Variants in DNER observed in about 807,000 individuals in gnomAD.
DNER encodes the protein delta/notch like EGF repeat containing, also known as delta and Notch-like epidermal growth factor-related receptor.
Under a neutral mutation model 78.2 loss-of-function variants are expected in DNER, and 33 were observed. That is an observed-to-expected ratio of 0.42 (90% CI 0.32 to 0.56). The LOEUF (loss-of-function observed/expected upper bound fraction) is 0.56. Ranked by LOEUF, DNER falls within the 20% of genes least tolerant of loss-of-function variation. The pLI, the probability that DNER is intolerant of heterozygous loss-of-function variation, is 0.11. For synonymous variants in DNER, 417 were observed against 384.8 expected (o/e 1.08, Z -0.98); for missense variants, 918 against 975.3 (o/e 0.94, Z 0.78).
intron 7 of DNER, among the ~76,000 whole-genome samples, chr2:229,447,904 C>T (rs900508452): frequency 2.0e-5 from 3 of 152,124 alleles, no homozygotes; most frequent in Admixed American, 6.5e-5. Context: ...GGATTTGGAT[C>T]AGCAGAGGGC....
intron 12 of DNER, among the ~76,000 whole-genome samples, chr2:229,364,803 T>C (rs562717995): frequency 2.0e-5 from 3 of 151,670 alleles, no homozygotes; most frequent in South Asian, 4.2e-4. Context: ...TTCTATGCCA[T>C]TCAGATAGAA....
At chr2:229,435,508 A>G (rs974419130) in intron 8 of DNER, among the ~76,000 whole-genome samples, 1 of 152,244 alleles carries the variant, frequency 6.6e-6, no homozygotes, top group African/African-American at 2.4e-5. Flanking sequence ...TGCCAGGTAC[A>G]ATGTCTAACT....
chr2:229,427,753 A>G (rs2106353493), intron 8 of DNER, among the ~76,000 whole-genome samples: 1 of 152,256 alleles, frequency 6.6e-6, no homozygotes, highest in East Asian at 1.9e-4. Context: ...ATGGATTGCA[A>G]CCCACTGTAG....
intron 11 of DNER, among the ~76,000 whole-genome samples, chr2:229,368,776 TG>T (rs1692409086): frequency 6.6e-6 from 1 of 152,218 alleles, no homozygotes; most frequent in Non-Finnish European, 1.5e-5. Flanking sequence ...TGACATCACT[TG>T]GAGTGAATGC....
In DNER at chr2:229,447,379, T is replaced by A; in HGVS notation, c.1423A>T (p.Ser475Cys). Residue 475 changes from serine (S) to cysteine (C), a missense_variant, in exon 8 of 13, where the codon AGC (serine) becomes TGC (cysteine). Transcript: ENST00000341772. The stretch of plus-strand genomic sequence containing the variant: ...CGGCACGTGCCATGAGCACAGGGGC[T>A]GAGGGCACAGAAGTCAATAAGCTGG... ...CAQLIDFCAL[S>C]PCAHGTCRSV... is the part of the protein sequence containing the mutation. The A allele has an allele frequency of 6.2e-7, 1 of 1,613,102 alleles. No individual in the cohort carries two copies. The highest frequency in any genetic ancestry group is 8.5e-7 in the Non-Finnish European group (1 of 1,179,626).
intron 11 of DNER, among the ~76,000 whole-genome samples, chr2:229,377,019 T>G (rs534159762): frequency 1.1e-4 from 16 of 152,268 alleles, no homozygotes; most frequent in African/African-American, 3.4e-4. Flanking sequence ...GGCCCCAGGA[T>G]GAGTTACTTT....
rs115523813 is a variant in DNER, at chr2:229,589,523, G to T, written c.586-1035C>A. On this transcript the variant is annotated intron_variant, in intron 2 of 12. Transcript: ENST00000341772. ...TAATATGCCTCCTGGTTTCCATCAG[G>T]TTAGGCATACATATTAACATGTCTT... 3.1e-3 allele frequency among the ~76,000 whole-genome samples: 469 copies of T among 152,286 alleles called. 2 individuals carry two copies. Among genetic ancestry groups the T allele is most frequent in the Non-Finnish European group, 5.6e-3 (378 of 68,024 alleles).
rs1281127247 is a variant in DNER, at chr2:229,652,258, G to A, written c.277-60370C>T. Among the ~76,000 whole-genome samples, 10 of 152,236 alleles carry A rather than the reference G, an allele frequency of 6.6e-5. 1 individual carries two copies. The East Asian group carries it at 1.3e-3, about 21-fold the overall frequency. On this transcript the variant is annotated intron_variant, in intron 1 of 12. Coordinates refer to ENST00000341772, the MANE Select transcript of DNER (RefSeq NM_139072.4). ...TGCTGGGGCTAGCTAGGTTGGCCACGCAGACTCCTCAACTCTCCGAGACCT... is the reference window on the plus strand; with the variant it reads ...TGCTGGGGCTAGCTAGGTTGGCCACACAGACTCCTCAACTCTCCGAGACCT...
chr2:229,573,032 T>C (rs773827465), intron 4 of DNER, among the ~76,000 whole-genome samples: 1 of 152,166 alleles, frequency 6.6e-6, no homozygotes, highest in Non-Finnish European at 1.5e-5. Flanking sequence ...TGTTAGTTGA[T>C]GATAAACAAG....
chr2:229,646,966 C>A (rs772563847), intron 1 of DNER, among the ~76,000 whole-genome samples: 6 of 152,124 alleles, frequency 3.9e-5, no homozygotes, highest in Admixed American at 2.6e-4. Flanking sequence ...CAAGAGATCG[C>A]GACCATCCTG....
Position 229,358,513 on chromosome 2 carries a change from C to G in DNER, c.*27G>C. On this transcript the variant is annotated 3_prime_UTR_variant, in exon 13 of 13. Transcript: ENST00000341772. ...TATTTAAATGAGTGTAGTATCTCATCTTTTTGAAAAATAATCCAAAAAAAG... is the reference window on the plus strand; with the variant it reads ...TATTTAAATGAGTGTAGTATCTCATGTTTTTGAAAAATAATCCAAAAAAAG... The G allele has an allele frequency of 6.4e-7, 1 of 1,567,266 alleles. No individual in the cohort carries two copies. The highest frequency in any genetic ancestry group is 8.7e-7 in the Non-Finnish European group (1 of 1,149,282).
intron 1 of DNER, among the ~76,000 whole-genome samples, chr2:229,651,033 A>G (rs1698807203): frequency 6.6e-6 from 1 of 152,140 alleles, no homozygotes; most frequent in South Asian, 2.1e-4. Context: ...AGGCATGCCT[A>G]AAGGTGGCCC....
chr2:229,407,374 C>T (rs373302324), intron 9 of DNER, 29 bp from the exon 10 acceptor site: 5 of 1,599,934 alleles, frequency 3.1e-6, no homozygotes, highest in African/African-American at 1.3e-5. Flanking sequence ...AACAGGATGA[C>T]TCATCCAGGA....
intron 3 of DNER, 120 bp from the exon 4 acceptor site, chr2:229,586,144 T>C: frequency 8.3e-7 from 1 of 1,206,058 alleles, no homozygotes; most frequent in Non-Finnish European, 1.1e-6. Flanking sequence ...TACCAGGAGA[T>C]CGATGGCATA....
chr2:229,505,413 C>A (rs1451280963), intron 6 of DNER, among the ~76,000 whole-genome samples: 1 of 152,138 alleles, frequency 6.6e-6, no homozygotes, highest in East Asian at 1.9e-4. Context: ...ATCTCTTCTA[C>A]CCCTGATCAG....
chr2:229,698,154 T>C (rs1395328533), intron 1 of DNER, among the ~76,000 whole-genome samples: 1 of 152,098 alleles, frequency 6.6e-6, no homozygotes, highest in South Asian at 2.1e-4. Context: ...CGGTGGGCTG[T>C]GATTGCACTC....
chr2:229,710,434 C>T lies in DNER; in HGVS notation c.276+3714G>A, dbSNP rs573777947. ...ACTTACTAGCAGTGTGACATTGGGA[C>T]AGTCACTTCACTTTTCTGTACTTCA... On this transcript the variant is annotated intron_variant, in intron 1 of 12. Transcript: ENST00000341772. 1.1e-4 allele frequency among the ~76,000 whole-genome samples: 16 copies of T among 152,308 alleles called. No individual in the cohort carries two copies. In the South Asian group the frequency reaches 3.3e-3, roughly 32 times the overall value.
chr2:229,411,542 G>A (rs766063649), intron 9 of DNER, among the ~76,000 whole-genome samples: 6 of 151,716 alleles, frequency 4.0e-5, no homozygotes, highest in Admixed American at 1.3e-4. Flanking sequence ...GGGTGACAGA[G>A]CAAGACTCTG....
At chr2:229,514,308 C>T (rs770144785) in intron 5 of DNER, among the ~76,000 whole-genome samples, 2 of 152,048 alleles carry the variant, frequency 1.3e-5, no homozygotes, top group Non-Finnish European at 2.9e-5. Flanking sequence ...TGACACAAAA[C>T]AAGATGATAA....
Sources: allele counts gnomAD v4.1 joint callset (sites outside exome capture counted in the v4.1 genomes callset), GRCh38; gene constraint gnomAD v4.1.1; transcripts MANE v1.5; gene names NCBI Gene and HGNC (gene_info 2026-07-23, HGNC 2026-07-21).